EIF3M: variants seen among roughly 807,000 people sequenced by gnomAD.
The protein encoded by EIF3M is B5 receptor.
In EIF3M, 25 loss-of-function variants were observed where a neutral mutation model predicts 49.7. The observed-to-expected ratio is 0.50, with a 90% CI of 0.37 to 0.70. The LOEUF (loss-of-function observed/expected upper bound fraction) is 0.70, where lower values mean the gene tolerates loss of function less well. EIF3M is among the 30% of genes least tolerant of loss of function. EIF3M has a pLI of 0.00. For missense variants in EIF3M, 350 were observed against 440.0 expected (o/e 0.80, Z 1.83); for synonymous variants, 156 against 149.8 (o/e 1.04, Z -0.30).
chr11:32,599,615 C>G (rs113511054), intron 8 of EIF3M, among the ~76,000 whole-genome samples: 4,542 of 151,892 alleles, frequency 0.03, 86 homozygotes, highest in Non-Finnish European at 0.039. Context: ...TTACATAGTT[C>G]AAAAGTTCAG....
At chr11:32,601,522 AACAGC>A in intron 9 of EIF3M, 1 of 257,590 alleles carries the variant, frequency 3.9e-6, no homozygotes. Context: ...AAAAAAAAAA[AACAGC>A]AAAAAACTGT....
rs992615925 is a variant in EIF3M, at chr11:32,604,817, T to C, written c.*2418T>C. The C allele has an allele frequency of 6.6e-6, 1 of 152,146 alleles. No individual in the cohort carries two copies. The allele number at this position is 152,146 out of a possible 1,614,324, so 9.4% of individuals were successfully genotyped here. ...CAGTAAAAGTGGCATGTTAGTAACA[T>C]TGTCATTTTCAGTGTTAGATTATGT... is the stretch of plus-strand genomic sequence containing the variant. On this transcript the variant is annotated 3_prime_UTR_variant, in exon 11 of 11. Coordinates refer to ENST00000531120, the MANE Select transcript of EIF3M (RefSeq NM_006360.6).
chr11:32,591,441 G>A (rs1855101544), intron 5 of EIF3M, among the ~76,000 whole-genome samples: 1 of 151,650 alleles, frequency 6.6e-6, no homozygotes, highest in African/African-American at 2.4e-5. Flanking sequence ...TTTATTCCTG[G>A]TACCACTACA....
rs373669151 is a variant in EIF3M, at chr11:32,593,899, C to T, written c.567C>T (p.Leu189=). 1.2e-5 allele frequency: 19 copies of T among 1,577,602 alleles called. No homozygotes were observed. The highest frequency in any genetic ancestry group is 5.5e-5 in the African/African-American group (4 of 73,072). Residue 189 remains leucine (L), a synonymous_variant, in exon 6 of 11, where the codon CTC becomes CTT. Transcript: ENST00000531120. ...CTTCAAAAGTCATGGTGGAATTGCT[C>T]GGAAGTTACACAGAGGACAATGCTT... The part of the protein sequence containing the change: ...DAASKVMVEL[L]GSYTEDNASQ...
chr11:32,600,658 A>C, intron 8 of EIF3M, 31 bp from the exon 9 acceptor site: 1 of 1,567,932 alleles, frequency 6.4e-7, no homozygotes, highest in Non-Finnish European at 8.6e-7. Flanking sequence ...TAGTATGAAC[A>C]CTCATCAGGC....
At position 32,593,890 on chromosome 11, in the gene EIF3M, G is replaced by T; in HGVS notation, c.558G>T (p.Val186=). 1 of 1,577,446 alleles carries T rather than the reference G, an allele frequency of 6.3e-7. No homozygotes were observed. Residue 186 remains valine (V), a synonymous_variant, in exon 6 of 11, where the codon GTG becomes GTT. Coordinates refer to ENST00000531120, the MANE Select transcript of EIF3M (RefSeq NM_006360.6). Reference sequence around the variant, plus strand: ...GTGATGCTGCTTCAAAAGTCATGGTGGAATTGCTCGGAAGTTACACAGAGG... The same window carrying T: ...GTGATGCTGCTTCAAAAGTCATGGTTGAATTGCTCGGAAGTTACACAGAGG... The part of the protein sequence containing the change: ...KKSDAASKVM[V]ELLGSYTEDN...
At chr11:32,592,156 A>C (rs1590519362) in intron 5 of EIF3M, 1 of 346,068 alleles carries the variant, frequency 2.9e-6, no homozygotes, top group South Asian at 2.4e-5. Context: ...CAGAGTTTCT[A>C]CCCATGGCCA....
chr11:32,588,908 G>A lies in EIF3M; in HGVS notation c.315-104G>A, dbSNP rs796395743. 7.2e-6 allele frequency: 11 copies of A among 1,537,762 alleles called. No individual in the cohort carries two copies. The African/African-American group carries it at 8.3e-5, about 12-fold the overall frequency. On this transcript the variant is annotated intron_variant, in intron 3 of 10. Coordinates refer to ENST00000531120, the MANE Select transcript of EIF3M (RefSeq NM_006360.6). Reference sequence around the variant, plus strand: ...GCCCTAGTTTCCTCCTTTGTAATATGAAGTTGTTAACGGTACCTGCCACAG... The same window carrying A: ...GCCCTAGTTTCCTCCTTTGTAATATAAAGTTGTTAACGGTACCTGCCACAG...
At chr11:32,595,045 T>G (rs775011347) in intron 7 of EIF3M, 32 bp downstream of exon 7, 1 of 1,585,640 alleles carries the variant, frequency 6.3e-7, no homozygotes, top group African/African-American at 1.4e-5. Flanking sequence ...GTGAAAAATG[T>G]TCTCCTTTCC....
intron 5 of EIF3M, among the ~76,000 whole-genome samples, chr11:32,593,529 A>G (rs986464325): frequency 6.6e-6 from 1 of 152,142 alleles, no homozygotes; most frequent in South Asian, 2.1e-4. Flanking sequence ...TGGCCAAGAA[A>G]AGGATATTTT....
At position 32,589,535 on chromosome 11, in the gene EIF3M, A is replaced by G. The variant is rs374411010; in HGVS notation, c.439-12A>G. On this transcript the variant is annotated splice_polypyrimidine_tract_variant and intron_variant, in intron 4 of 10. Coordinates refer to ENST00000531120, the MANE Select transcript of EIF3M (RefSeq NM_006360.6). ...TGTTACTCAGTTTTCTCCTTTTGTC[A>G]ATCTCTTGTAGGTTAGAAAATGGAT... The G allele has an allele frequency of 6.2e-7, 1 of 1,609,554 alleles. No homozygotes were observed. Among genetic ancestry groups the G allele is most frequent in the African/African-American group, 1.4e-5 (1 of 73,222 alleles).
At chr11:32,598,585 T>C (rs1258667309) in intron 8 of EIF3M, among the ~76,000 whole-genome samples, 1 of 152,114 alleles carries the variant, frequency 6.6e-6, no homozygotes, top group Non-Finnish European at 1.5e-5. Flanking sequence ...TAAACATCAA[T>C]TTAAAGTGTT....
At chr11:32,588,388 G>GAAA (rs71463359) in intron 2 of EIF3M, among the ~76,000 whole-genome samples, 12 of 93,054 alleles carry the variant, frequency 1.3e-4, no homozygotes, top group African/African-American at 3.2e-4. Flanking sequence ...GACTTCATCT[G>GAAA]AAAAAAAAAA....
At chr11:32,588,245 C>T (rs1241521394) in intron 2 of EIF3M, among the ~76,000 whole-genome samples, 2 of 151,934 alleles carry the variant, frequency 1.3e-5, no homozygotes, top group African/African-American at 4.8e-5. Flanking sequence ...AAAAATTAGC[C>T]GGGCGTGGTG....
At chr11:32,588,781 T>C (rs772565763) in intron 3 of EIF3M, 49 bp downstream of exon 3, 4 of 1,610,082 alleles carry the variant, frequency 2.5e-6, no homozygotes, top group East Asian at 4.5e-5. Flanking sequence ...GCTTTTTTCA[T>C]GTTACTAACT....
At chr11:32,588,507 T>C in intron 2 of EIF3M, 87 bp from the exon 3 acceptor site, 1 of 1,452,158 alleles carries the variant, frequency 6.9e-7, no homozygotes, top group Non-Finnish European at 9.2e-7. Context: ...TGGTCTTCAT[T>C]GTATTAAAAC....
chr11:32,584,134 C>T lies in EIF3M; in HGVS notation c.42+205C>T, dbSNP rs565804432. 347 of 620,036 alleles carry T rather than the reference C, an allele frequency of 5.6e-4. 1 individual carries two copies. In the African/African-American group the frequency reaches 6.3e-3, roughly 11 times the overall value. 38.4% of individuals were successfully genotyped at this position (620,036 alleles called of 1,614,324 possible). A position where few individuals can be genotyped will look rare whatever the true frequency, so the allele number is the denominator to read the frequency against. On this transcript the variant is annotated intron_variant, in intron 1 of 10. Transcript: ENST00000531120. ...CGGCCGGCGGTCCCAGCGCGGGGCC[C>T]GACGCTTCACCGCCAGCTCCCTGGT...
rs1855173472 is a variant in EIF3M, at chr11:32,596,090, A to G, written c.799+43A>G. On this transcript the variant is annotated intron_variant, in intron 8 of 10. Coordinates refer to ENST00000531120, the MANE Select transcript of EIF3M (RefSeq NM_006360.6). ...TTCTTTGAGGCACAGAGGTGGGAAC[A>G]TGATACACTAACAGTTATGTACTAT... 8.6e-6 allele frequency: 12 copies of G among 1,401,312 alleles called. No individual in the cohort carries two copies. In the East Asian group the frequency reaches 3.0e-4, roughly 35 times the overall value. 86.8% of individuals were successfully genotyped at this position (1,401,312 alleles called of 1,614,324 possible).
chr11:32,592,228 G>A (rs934828026), intron 5 of EIF3M: 1 of 398,286 alleles, frequency 2.5e-6, no homozygotes, highest in Non-Finnish European at 4.8e-6. Context: ...CTCCACAACT[G>A]CATCTGTTGT....
Sources: allele counts gnomAD v4.1 joint callset (sites outside exome capture counted in the v4.1 genomes callset), GRCh38; gene constraint gnomAD v4.1.1; transcripts MANE v1.5; gene names NCBI Gene and HGNC (gene_info 2026-07-23, HGNC 2026-07-21).